The following PCDHGA8 variants were observed in gnomAD, a reference collection of about 807,000 sequenced individuals.
PCDHGA8 encodes protocadherin gamma subfamily A, 8, also known as protocadherin gamma-A8.
Under a neutral mutation model 59.2 loss-of-function variants are expected in PCDHGA8, and 45 were observed. The ratio of observed to expected loss-of-function variants is 0.76; its 90% CI spans 0.60 to 0.98. The LOEUF is 0.98. PCDHGA8 is among the 50% of genes least tolerant of loss of function. The probability of loss-of-function intolerance (pLI) is 0.00; values close to 1 mark genes in which losing one functional copy is unlikely to be tolerated. For synonymous variants in PCDHGA8, 531 were observed against 519.0 expected (o/e 1.02, Z -0.32); for missense variants, 1,257 against 1,196.2 (o/e 1.05, Z -0.75).
chr5:141,415,126 C>T, intron 1 of PCDHGA8: 1 of 1,613,688 alleles, frequency 6.2e-7, no homozygotes, highest in Non-Finnish European at 8.5e-7. Context: ...AGTGGCCGTC[C>T]AGGACCACGG....
At chr5:141,429,735 T>C (rs911956546) in intron 1 of PCDHGA8, among the ~76,000 whole-genome samples, 1 of 152,202 alleles carries the variant, frequency 6.6e-6, no homozygotes. Flanking sequence ...ACGTAGCCAG[T>C]TATTTCTTAG....
chr5:141,510,398 G>A (rs2099880972), intron 3 of PCDHGA8, among the ~76,000 whole-genome samples: 1 of 152,064 alleles, frequency 6.6e-6, no homozygotes, highest in African/African-American at 2.4e-5. Flanking sequence ...CTTGGCAAAG[G>A]CTAGGGGCAT....
Position 141,393,025 on chromosome 5 carries a change from G to A in PCDHGA8, c.212G>A (p.Arg71Lys), listed in dbSNP as rs1307917992. 6.2e-7 allele frequency: 1 copy of A among 1,613,864 alleles called. No individual in the cohort carries two copies. The highest frequency in any genetic ancestry group is 8.5e-7 in the Non-Finnish European group (1 of 1,179,878). The change falls in exon 1 of 4, where the codon AGG becomes AAG. Residue 71 changes from arginine (R) to lysine (K), a missense_variant. By Grantham distance (26) the Arg-to-Lys change is conservative. Coordinates refer to ENST00000398604, the MANE Select transcript of PCDHGA8 (RefSeq NM_032088.2). ...GGAGTCCGTATCGTCTCCAGAGGTA[G>A]GACGCAGCTCTTTGCTCTGAACCCG... is the stretch of plus-strand genomic sequence containing the variant. The part of the protein sequence containing the change: ...KHGVRIVSRG[R>K]TQLFALNPRS...
In PCDHGA8 at chr5:141,454,516, C is replaced by T. The variant is rs375583922; in HGVS notation, c.2425-40291C>T. On this transcript the variant is annotated intron_variant, in intron 1 of 3. Coordinates refer to ENST00000398604, the MANE Select transcript of PCDHGA8 (RefSeq NM_032088.2). Reference sequence around the variant, plus strand: ...CCACCTCCTGGATTCAGGCAGTTCTCCTGCCTCAGCCTCCCAAGTAGCTGA... The same window carrying T: ...CCACCTCCTGGATTCAGGCAGTTCTTCTGCCTCAGCCTCCCAAGTAGCTGA... Among the ~76,000 whole-genome samples the T allele has an allele frequency of 1.2e-4, 18 of 152,288 alleles. No individual in the cohort carries two copies. In the East Asian group the frequency reaches 3.1e-3, roughly 26 times the overall value.
In PCDHGA8 at chr5:141,511,548, A is replaced by C; in HGVS notation, c.*375A>C. 3.3e-6 allele frequency: 1 copy of C among 306,952 alleles called. No homozygotes were observed. The highest frequency in any genetic ancestry group is 6.3e-6 in the Non-Finnish European group (1 of 158,248). 19.0% of individuals were successfully genotyped at this position (306,952 alleles called of 1,614,324 possible). ...CCTCCCTCCTCCCCACCCCACTCCA[A>C]CAGTTCCTCTTTCCCGAGTAAGGTG... is the stretch of plus-strand genomic sequence containing the variant. On this transcript the variant is annotated 3_prime_UTR_variant, in exon 4 of 4. Transcript: ENST00000398604.
At chr5:141,462,039 T>A (rs569871892) in intron 1 of PCDHGA8, among the ~76,000 whole-genome samples, 1 of 152,276 alleles carries the variant, frequency 6.6e-6, no homozygotes, top group Non-Finnish European at 1.5e-5. Flanking sequence ...GTCAGGCGGG[T>A]CTTGAACTCC....
intron 1 of PCDHGA8, among the ~76,000 whole-genome samples, chr5:141,443,537 T>C (rs986467958): frequency 6.6e-6 from 1 of 152,180 alleles, no homozygotes; most frequent in African/African-American, 2.4e-5. Flanking sequence ...ATTTAAAGCT[T>C]GGGAAATTGT....
rs377248872 is a variant in PCDHGA8 at position 141,489,231 on chromosome 5, C to T, written c.2425-5576C>T. 2 of 1,528,166 alleles carry T rather than the reference C, an allele frequency of 1.3e-6. No homozygotes were observed. The highest frequency in any genetic ancestry group is 1.4e-5 in the African/African-American group (1 of 72,140). The allele number at this position is 1,528,166 out of a possible 1,614,324, so 94.7% of individuals were successfully genotyped here. A position where few individuals can be genotyped will look rare whatever the true frequency, so the allele number is the denominator to read the frequency against. On this transcript the variant is annotated intron_variant, in intron 1 of 3. Transcript: ENST00000398604. This position sits in a 1 kb window ranked among gnomAD's most constrained non-coding sequence, Gnocchi z 4.5. ...CACAGACTTACTCTCCACAAAGGGA[C>T]TTCTGGGTCATGGGGCCCAAGACAC...
intron 1 of PCDHGA8, chr5:141,423,365 T>A (rs1338039878): frequency 1.9e-6 from 3 of 1,614,096 alleles, no homozygotes; most frequent in South Asian, 1.1e-5. Context: ...ATCGTGCTGC[T>A]GGCACTCAGG....
intron 1 of PCDHGA8, chr5:141,422,639 C>T (rs777330051): frequency 3.7e-6 from 6 of 1,612,780 alleles, no homozygotes; most frequent in South Asian, 2.2e-5. Flanking sequence ...AGGGGTGCCT[C>T]CATCTTCTCA....
intron 1 of PCDHGA8, among the ~76,000 whole-genome samples, chr5:141,484,021 G>A (rs892390865): frequency 2.6e-5 from 4 of 151,080 alleles, no homozygotes; most frequent in African/African-American, 9.7e-5. Context: ...GGGGTGGGGT[G>A]AGATCAAGTC....
Position 141,476,208 on chromosome 5 carries a change from C to T in PCDHGA8, c.2425-18599C>T, listed in dbSNP as rs1266601125. The T allele has an allele frequency of 6.2e-7, 1 of 1,613,794 alleles. No homozygotes were observed. ...CTTGGTGCCTTGAACAAGGCTTCCA[C>T]GGTCATTCACTATGAGATCCCGGAG... On this transcript the variant is annotated intron_variant, in intron 1 of 3. Coordinates refer to ENST00000398604, the MANE Select transcript of PCDHGA8 (RefSeq NM_032088.2). The surrounding 1 kb of genome is among the most constrained non-coding windows in gnomAD (Gnocchi z 7.6).
rs1370592594 is a variant in PCDHGA8 at position 141,394,190 on chromosome 5, G to A, written c.1377G>A (p.Ala459=). ...CTTTCCCTCATGCCTCCTACTCAGCGTATATCCTAGAGAACAACCTGAGAG... is the reference window on the plus strand; with the variant it reads ...CTTTCCCTCATGCCTCCTACTCAGCATATATCCTAGAGAACAACCTGAGAG... ...PPTFPHASYS[A]YILENNLRGA... The change falls in exon 1 of 4, where the codon GCG becomes GCA. Residue 459 remains alanine (A), a synonymous_variant. Transcript: ENST00000398604. 3 of 1,613,800 alleles carry A rather than the reference G, an allele frequency of 1.9e-6. No homozygotes were observed. Among genetic ancestry groups the A allele is most frequent in the African/African-American group, 1.3e-5 (1 of 75,020 alleles).
intron 1 of PCDHGA8, chr5:141,409,634 G>GGA (rs766487639): frequency 1.2e-6 from 2 of 1,613,720 alleles, no homozygotes; most frequent in African/African-American, 2.7e-5. Flanking sequence ...GAGCGCCTCT[G>GGA]ACCCGGATTT....
At chr5:141,399,129 A>G (rs1280077247) in intron 1 of PCDHGA8, 2 of 1,613,848 alleles carry the variant, frequency 1.2e-6, no homozygotes, top group Non-Finnish European at 8.5e-7. Context: ...TTAATATTCA[A>G]GATGAAAATG....
At chr5:141,434,431 T>C (rs931458644) in intron 1 of PCDHGA8, among the ~76,000 whole-genome samples, 2 of 152,186 alleles carry the variant, frequency 1.3e-5, no homozygotes, top group African/African-American at 2.4e-5. Context: ...ATGATGGCCG[T>C]AATGCCCATG....
At chr5:141,396,546 G>A (rs2093396215) in intron 1 of PCDHGA8, 1 of 152,118 alleles carries the variant, frequency 6.6e-6, no homozygotes, top group Non-Finnish European at 1.5e-5. Context: ...CTTGAACCCG[G>A]GAGGTGGAGG....
chr5:141,443,029 C>A (rs1281303741), intron 1 of PCDHGA8, among the ~76,000 whole-genome samples: 1 of 152,192 alleles, frequency 6.6e-6, no homozygotes, highest in Admixed American at 6.5e-5. Flanking sequence ...AGTTGCCAGA[C>A]CTAAACTTTG....
Position 141,406,431 on chromosome 5 carries a change from T to A in PCDHGA8, c.2424+11194T>A, listed in dbSNP as rs1316370664. 2.0e-5 allele frequency among the ~76,000 whole-genome samples: 3 copies of A among 152,352 alleles called. No individual in the cohort carries two copies. In the South Asian group the frequency reaches 6.2e-4, roughly 32 times the overall value. ...CAGCTGAAAGCCCAGATTTATTGCT[T>A]CTATTCTTCCATTTCTATGACAGGA... On this transcript the variant is annotated intron_variant, in intron 1 of 3. Coordinates refer to ENST00000398604, the MANE Select transcript of PCDHGA8 (RefSeq NM_032088.2).
Sources: gnomAD v4.1 joint callset for allele counts (sites outside exome capture counted in the v4.1 genomes callset) on GRCh38, gnomAD v4.1.1 for gene constraint, Gnocchi (gnomAD v3.1) non-coding constraint, MANE v1.5 for transcripts, NCBI Gene and HGNC (gene_info 2026-07-23, HGNC 2026-07-21) for gene names.